Variants in SLC5A4 observed in about 807,000 individuals in gnomAD.
The protein encoded by SLC5A4 is solute carrier family 5 member 4.
Under a neutral mutation model 70.3 loss-of-function variants are expected in SLC5A4, and 55 were observed. That is an observed-to-expected ratio of 0.78 (90% CI 0.63 to 0.98). The LOEUF (loss-of-function observed/expected upper bound fraction) is 0.98, where lower values mean the gene tolerates loss of function less well. Among genes scored for constraint, SLC5A4 ranks in the 50% least tolerant of loss-of-function variants. SLC5A4 has a pLI of 0.00. For missense variants in SLC5A4, 735 were observed against 839.2 expected, an observed-to-expected ratio of 0.88 and a Z score of 1.53; for synonymous variants, 268 against 305.7, an observed-to-expected ratio of 0.88 and a Z score of 1.29.
the SLC5A4 span, among the ~76,000 whole-genome samples, chr22:32,268,859 T>C: frequency 6.6e-6 from 1 of 152,194 alleles, no homozygotes; most frequent in Admixed American, 6.5e-5. Flanking sequence ...GATAATAATT[T>C]GGGATATACA....
intron 6 of SLC5A4, 59 bp downstream of exon 6, chr22:32,238,926 A>G: frequency 1.8e-6 from 2 of 1,115,338 alleles, no homozygotes; most frequent in South Asian, 2.5e-5. Flanking sequence ...TGCTAATTGC[A>G]GGTTGGGGTG....
chr22:32,315,633 T>TACAC, the SLC5A4 span, among the ~76,000 whole-genome samples: 1 of 151,758 alleles, frequency 6.6e-6, no homozygotes, highest in East Asian at 1.9e-4. Flanking sequence ...TCAGAAGACA[T>TACAC]ACACACAGAA....
the SLC5A4 span, among the ~76,000 whole-genome samples, chr22:32,342,843 A>G: frequency 6.6e-6 from 1 of 152,200 alleles, no homozygotes. Context: ...TTCAATTAAT[A>G]CAGAGCATGA....
chr22:32,238,166 A>ATT (rs1926171278), intron 6 of SLC5A4, among the ~76,000 whole-genome samples: 2 of 151,974 alleles, frequency 1.3e-5, no homozygotes, highest in South Asian at 4.2e-4. Flanking sequence ...CAAGCAGGTG[A>ATT]AGCAATCATC....
chr22:32,297,522 T>C, the SLC5A4 span, among the ~76,000 whole-genome samples: 80,472 of 86,650 alleles, frequency 0.93, 37,959 homozygotes, highest in East Asian at 1. Context: ...TTTTTTATTG[T>C]GTCTATTTGA....
chr22:32,314,603 G>GGCA, the SLC5A4 span, among the ~76,000 whole-genome samples: 2 of 151,988 alleles, frequency 1.3e-5, no homozygotes, highest in African/African-American at 4.8e-5. Flanking sequence ...TAAAAGGATG[G>GGCA]GCAGATGATT....
chr22:32,240,977 A>T (rs903578951), intron 5 of SLC5A4, among the ~76,000 whole-genome samples: 1 of 152,266 alleles, frequency 6.6e-6, no homozygotes, highest in African/African-American at 2.4e-5. Context: ...AACTTCCATG[A>T]ATCTCTACAT....
the SLC5A4 span, among the ~76,000 whole-genome samples, chr22:32,346,891 A>G: frequency 6.6e-6 from 1 of 150,878 alleles, no homozygotes; most frequent in Non-Finnish European, 1.5e-5. Context: ...GCACAGCAAA[A>G]GAAACTACCA....
the SLC5A4 span, among the ~76,000 whole-genome samples, chr22:32,299,678 C>G: frequency 2.0e-5 from 2 of 101,710 alleles, 1 homozygote; most frequent in South Asian, 6.8e-4. Flanking sequence ...CTCTATCCAG[C>G]TTTGTTCCGT....
At chr22:32,291,599 C>T in the SLC5A4 span, among the ~76,000 whole-genome samples, 2 of 152,108 alleles carry the variant, frequency 1.3e-5, no homozygotes, top group South Asian at 2.1e-4. Context: ...GAACATGGTA[C>T]GTCTCTTCAT....
intron 2 of SLC5A4, among the ~76,000 whole-genome samples, chr22:32,252,089 G>A (rs1315020114): frequency 6.6e-6 from 1 of 152,090 alleles, no homozygotes; most frequent in African/African-American, 2.4e-5. Context: ...AATCAGCCGG[G>A]CGTGGTGGTG....
At chr22:32,260,104 A>T (rs973963264), upstream of SLC5A4, among the ~76,000 whole-genome samples, 1 of 152,180 alleles carries the variant, frequency 6.6e-6, no homozygotes, top group African/African-American at 2.4e-5. Flanking sequence ...CACTCTCAGA[A>T]GGGGATGAGG....
At chr22:32,295,507 G>GT in the SLC5A4 span, among the ~76,000 whole-genome samples, 1 of 109,184 alleles carries the variant, frequency 9.2e-6, no homozygotes, top group African/African-American at 3.3e-5. Context: ...TTTTGATGGG[G>GT]TTTTTTTCTT....
At chr22:32,304,443 G>GT in the SLC5A4 span, among the ~76,000 whole-genome samples, 3 of 151,494 alleles carry the variant, frequency 2.0e-5, no homozygotes, top group Non-Finnish European at 2.9e-5. Flanking sequence ...TGCCCAGCTT[G>GT]TTTTTTCTTT....
chr22:32,324,243 ATG>A, the SLC5A4 span, among the ~76,000 whole-genome samples: 2 of 145,292 alleles, frequency 1.4e-5, no homozygotes, highest in African/African-American at 5.2e-5. Flanking sequence ...ATACATATGT[ATG>A]TGTATATATA....
chr22:32,352,487 TTAA>T, the SLC5A4 span, among the ~76,000 whole-genome samples: 1 of 151,074 alleles, frequency 6.6e-6, no homozygotes, highest in Admixed American at 6.6e-5. Flanking sequence ...CAAACTTCTG[TTAA>T]TAACATAATG....
At chr22:32,223,104 T>G (rs5998319) in intron 13 of SLC5A4, among the ~76,000 whole-genome samples, 13,310 of 152,202 alleles carry the variant, frequency 0.087, 720 homozygotes, top group African/African-American at 0.15. Flanking sequence ...TATGAACATT[T>G]TTTTCCAAAG....
chr22:32,330,169 T>C, the SLC5A4 span, among the ~76,000 whole-genome samples: 23 of 128,830 alleles, frequency 1.8e-4, 1 homozygote, highest in African/African-American at 5.7e-4. Context: ...CTCTGTTGTG[T>C]GTGTGTTGGA....
At chr22:32,294,550 A>C in the SLC5A4 span, among the ~76,000 whole-genome samples, 1 of 151,366 alleles carries the variant, frequency 6.6e-6, no homozygotes, top group South Asian at 2.1e-4. Context: ...AGCCACACCC[A>C]CTTTCCTCCT....
Sources: allele counts gnomAD v4.1 joint callset (sites outside exome capture counted in the v4.1 genomes callset), GRCh38; gene constraint gnomAD v4.1.1; transcripts MANE v1.5; gene names NCBI Gene and HGNC (gene_info 2026-07-23, HGNC 2026-07-21).